Variants in STAMBPL1 observed in about 807,000 individuals in gnomAD.
STAMBPL1 encodes the protein AMSH-like protease.
STAMBPL1 carries 44 observed loss-of-function variants against 52.9 expected under a neutral mutation model. That is an observed-to-expected ratio of 0.83 (90% CI 0.65 to 1.07). The LOEUF (loss-of-function observed/expected upper bound fraction) is 1.07. Among genes scored for constraint, STAMBPL1 ranks in the 50% least tolerant of loss-of-function variants. STAMBPL1 has a pLI of 0.00. For synonymous variants in STAMBPL1, 164 were observed against 177.3 expected (o/e 0.92, Z 0.60); for missense variants, 511 against 520.8 (o/e 0.98, Z 0.18).
At position 88,902,600 on chromosome 10, in the gene STAMBPL1, C is replaced by T. The variant is rs140249709; in HGVS notation, c.30+862C>T. Among the ~76,000 whole-genome samples, 482 of 151,822 alleles carry T rather than the reference C, an allele frequency of 3.2e-3. 4 individuals carry two copies. Among genetic ancestry groups the T allele is most frequent in the East Asian group, 0.029 (149 of 5,162 alleles). ...TCTTTTTTTTTTTGAGGCGGAGTCT[C>T]GCTCTGTCACTCAGGCTGGAGTGCC... On this transcript the variant is annotated intron_variant, in intron 2 of 10. Transcript: ENST00000371926.
At chr10:88,922,654 A>G (rs1845544458) in intron 10 of STAMBPL1, among the ~76,000 whole-genome samples, 1 of 152,208 alleles carries the variant, frequency 6.6e-6, no homozygotes, top group Non-Finnish European at 1.5e-5. Context: ...CTGTAGCAGA[A>G]TTAATGGTGC....
Position 88,901,749 on chromosome 10 carries a change from C to G in STAMBPL1, c.30+11C>G. 6.2e-7 allele frequency: 1 copy of G among 1,610,474 alleles called. No homozygotes were observed. Among genetic ancestry groups the G allele is most frequent in the South Asian group, 1.1e-5 (1 of 90,436 alleles). On this transcript the variant is annotated intron_variant, in intron 2 of 10. Coordinates refer to ENST00000371926, the MANE Select transcript of STAMBPL1 (RefSeq NM_020799.4). ...ACTGTGAATTCTCTGGTAGGTCACA[C>G]CAGCTGATATCTAACATTTGGTTGG...
chr10:88,899,168 T>C (rs1844883186), intron 1 of STAMBPL1, among the ~76,000 whole-genome samples: 1 of 152,222 alleles, frequency 6.6e-6, no homozygotes, highest in Non-Finnish European at 1.5e-5. Flanking sequence ...TTGTGTTTTT[T>C]TTCATTATCC....
intron 1 of STAMBPL1, among the ~76,000 whole-genome samples, chr10:88,895,163 G>C (rs991568421): frequency 2.6e-5 from 4 of 152,176 alleles, no homozygotes; most frequent in Admixed American, 1.3e-4. Context: ...TTGCAAAATG[G>C]CTGCTGCCTT....
intron 9 of STAMBPL1, among the ~76,000 whole-genome samples, chr10:88,921,873 C>G (rs1845521646): frequency 6.6e-6 from 1 of 152,176 alleles, no homozygotes; most frequent in Non-Finnish European, 1.5e-5. Flanking sequence ...CTCTTCATCC[C>G]TGATACCTGC....
At chr10:88,917,744 G>A (rs1845405958) in intron 8 of STAMBPL1, among the ~76,000 whole-genome samples, 1 of 152,066 alleles carries the variant, frequency 6.6e-6, no homozygotes, top group Admixed American at 6.6e-5. Flanking sequence ...TAATGTCTTG[G>A]TGTGTTTTTG....
At chr10:88,889,953 T>C (rs1844636586) in intron 1 of STAMBPL1, among the ~76,000 whole-genome samples, 1 of 152,250 alleles carries the variant, frequency 6.6e-6, no homozygotes, top group African/African-American at 2.4e-5. Context: ...CATTGGCTGA[T>C]TGTTTCCTAG....
intron 1 of STAMBPL1, chr10:88,882,120 T>C (rs1844420269): frequency 6.6e-6 from 1 of 152,252 alleles, no homozygotes; most frequent in Non-Finnish European, 1.5e-5. Flanking sequence ...ACTTGTTTTC[T>C]TATCCTCACC....
chr10:88,886,022 T>C (rs1014750589), intron 1 of STAMBPL1, among the ~76,000 whole-genome samples: 3 of 152,140 alleles, frequency 2.0e-5, no homozygotes, highest in Non-Finnish European at 2.9e-5. Flanking sequence ...AATCATTGAG[T>C]AGAAGGAGAG....
At position 88,905,536 on chromosome 10, in the gene STAMBPL1, A is replaced by G. The variant is rs776752078; in HGVS notation, c.124A>G (p.Ile42Val). 193 of 1,614,022 alleles carry G rather than the reference A, an allele frequency of 1.2e-4. 3 individuals are homozygous for G. The highest frequency in any genetic ancestry group is 4.2e-6 in the Non-Finnish European group (5 of 1,179,984). Residue 42 changes from isoleucine (I) to valine (V), a missense_variant, in exon 3 of 11, where the codon ATC (isoleucine) becomes GTC (valine). Ile to Val is a conservative substitution (Grantham distance 29). Around this residue, in one of 3 missense-constraint regions of STAMBPL1, gnomAD observed 358 missense variants for 343.5 expected, o/e 1.04. Transcript: ENST00000371926. ...AAGCAAGCTTGGTTGTAATATCACCATCAGTGAAGACATCACTCCACGACG... is the reference window on the plus strand; with the variant it reads ...AAGCAAGCTTGGTTGTAATATCACCGTCAGTGAAGACATCACTCCACGACG... Reference protein sequence around the residue: ...ALSKLGCNITISEDITPRRYF... With the variant: ...ALSKLGCNITVSEDITPRRYF...
chr10:88,894,765 G>C (rs1301654011), intron 1 of STAMBPL1, among the ~76,000 whole-genome samples: 4 of 152,142 alleles, frequency 2.6e-5, no homozygotes, highest in Admixed American at 2.0e-4. Flanking sequence ...GAATTATGAA[G>C]AAAGGGTTAA....
Position 88,913,318 on chromosome 10 carries a change from G to C in STAMBPL1, c.638G>C (p.Cys213Ser). 6.2e-7 allele frequency: 1 copy of C among 1,613,856 alleles called. No homozygotes were observed. Among genetic ancestry groups the C allele is most frequent in the Non-Finnish European group, 8.5e-7 (1 of 1,179,834 alleles). Residue 213 changes from cysteine (C) to serine (S), a missense_variant, in exon 6 of 11, where the codon TGC becomes TCC. By Grantham distance (112) the Cys-to-Ser change is moderately radical (BLOSUM62 -1). Transcript: ENST00000371926. ...CAGATTGATGGGAGCGCTTTGTCCT[G>C]CTTTTCCACACACCAGAACAATTCC... ...SEQIDGSALS[C>S]FSTHQNNSLL...
At chr10:88,920,566 G>A (rs1221234456) in intron 8 of STAMBPL1, among the ~76,000 whole-genome samples, 1 of 152,116 alleles carries the variant, frequency 6.6e-6, no homozygotes. Context: ...AACTAGGTGT[G>A]CATTTATTTT....
rs1162596920 is a variant in STAMBPL1, at chr10:88,923,442, A to G, written c.*218A>G. On this transcript the variant is annotated 3_prime_UTR_variant, in exon 11 of 11. Coordinates refer to ENST00000371926, the MANE Select transcript of STAMBPL1 (RefSeq NM_020799.4). ...CATGGTGTTAAATCGGTACCTGATA[A>G]TGTACCCAAATACTATGGCCAGATA... The G allele has an allele frequency of 3.0e-5, 38 of 1,260,124 alleles. No individual in the cohort carries two copies. The highest frequency in any genetic ancestry group is 3.8e-5 in the Non-Finnish European group (38 of 1,004,362). The allele number at this position is 1,260,124 out of a possible 1,614,324, so 78.1% of individuals were successfully genotyped here. A position where few individuals can be genotyped will look rare whatever the true frequency, so the allele number is the denominator to read the frequency against.
chr10:88,900,360 A>C (rs570848826), intron 1 of STAMBPL1, among the ~76,000 whole-genome samples: 19 of 152,328 alleles, frequency 1.2e-4, no homozygotes, highest in South Asian at 2.1e-4. Context: ...GGACAAAATA[A>C]ATTTAGAAGT....
chr10:88,901,819 C>T (rs1321737310), intron 2 of STAMBPL1, 81 bp downstream of exon 2: 2 of 1,387,346 alleles, frequency 1.4e-6, no homozygotes, highest in Non-Finnish European at 2.0e-6. Context: ...TGAAATGAGT[C>T]ACAATTACTT....
rs528907360 is a variant in STAMBPL1 at position 88,923,284 on chromosome 10, G to A, written c.*60G>A. On this transcript the variant is annotated 3_prime_UTR_variant, in exon 11 of 11. Transcript: ENST00000371926. ...ACCTACTCATGGACATGTGGTTGCCGGATTTTCTTAAGATGTTTCCAGAAA... is the reference window on the plus strand; with the variant it reads ...ACCTACTCATGGACATGTGGTTGCCAGATTTTCTTAAGATGTTTCCAGAAA... The A allele has an allele frequency of 1.3e-5, 19 of 1,514,610 alleles. No individual in the cohort carries two copies. The highest frequency in any genetic ancestry group is 2.5e-5 in the Admixed American group (1 of 40,134). The allele number at this position is 1,514,610 out of a possible 1,614,324, so 93.8% of individuals were successfully genotyped here.
chr10:88,882,548 C>T (rs1223728718), intron 1 of STAMBPL1: 1 of 152,112 alleles, frequency 6.6e-6, no homozygotes, highest in African/African-American at 2.4e-5. Context: ...GATTCTTGCC[C>T]AAAACATGAG....
rs189411013 is a variant in STAMBPL1, at chr10:88,883,159, T to C, written c.-54+2521T>C. ...TTTGCTGAGAATGATGGTTTCCAGC[T>C]TCATCCGTGTCCCTACAGAGGACAT... On this transcript the variant is annotated intron_variant, in intron 1 of 10. Transcript: ENST00000371926. Among the ~76,000 whole-genome samples the C allele has an allele frequency of 1.8e-3, 269 of 152,180 alleles. 1 individual carries two copies. Among genetic ancestry groups the C allele is most frequent in the Admixed American group, 4.1e-3 (62 of 15,288 alleles).
Sources: gnomAD v4.1 joint callset for allele counts (sites outside exome capture counted in the v4.1 genomes callset) on GRCh38, gnomAD v4.1.1 for gene constraint, gnomAD v4.1.1 regional missense constraint, MANE v1.5 for transcripts, NCBI Gene and HGNC (gene_info 2026-07-23, HGNC 2026-07-21) for gene names.